The following SLC12A8 variants were observed in gnomAD, a reference collection of about 807,000 sequenced individuals.
SLC12A8 encodes the protein solute carrier family 12 member 8, also known as cation-chloride cotransporter 9.
SLC12A8 carries 69 observed loss-of-function variants against 75.6 expected under a neutral mutation model. That is an observed-to-expected ratio of 0.91 (90% confidence interval 0.75 to 1.11). SLC12A8 has a LOEUF of 1.11. Among genes scored for constraint, SLC12A8 ranks in the 50% most tolerant of loss-of-function variants. The pLI is 0.00. For missense variants in SLC12A8, 877 were observed against 896.7 expected (o/e 0.98, Z 0.28); for synonymous variants, 365 against 372.8 (o/e 0.98, Z 0.24).
At chr3:125,133,433 C>A (rs765423597) in intron 6 of SLC12A8, among the ~76,000 whole-genome samples, 1 of 151,798 alleles carries the variant, frequency 6.6e-6, no homozygotes, top group East Asian at 1.9e-4. Flanking sequence ...AGTATCATGG[C>A]GTGACCAAAG....
rs778314930 is a variant in SLC12A8, at chr3:125,187,281, C to T, written c.346G>A (p.Gly116Arg). The T allele has an allele frequency of 1.2e-6, 2 of 1,614,196 alleles. No homozygotes were observed. The highest frequency in any genetic ancestry group is 2.2e-5 in the South Asian group (2 of 91,080). The change falls in exon 4 of 14, where the codon GGG becomes AGG. Residue 116 changes from glycine to arginine, a missense_variant. By Grantham distance (125) the Gly-to-Arg change is moderately radical. Transcript: ENST00000469902. ...AGCCCGATGGTGCCTCCCGTCTGCC[C>T]ACCCAGGACCGAGGAGATCATGGAG... is the stretch of plus-strand genomic sequence containing the variant. ...VYSMISSVLG[G>R]QTGGTIGLLY...
At chr3:125,196,241 A>G (rs1442663729) in intron 2 of SLC12A8, among the ~76,000 whole-genome samples, 2 of 152,274 alleles carry the variant, frequency 1.3e-5, no homozygotes, top group African/African-American at 4.8e-5. Flanking sequence ...CTGTATTTCA[A>G]ATGAATGACG....
At chr3:125,118,744 T>C in intron 8 of SLC12A8, 25 bp downstream of exon 8, 1 of 1,584,452 alleles carries the variant, frequency 6.3e-7, no homozygotes, top group Non-Finnish European at 8.7e-7. Context: ...GACTGAGCCC[T>C]TGGAGTAGCG....
intron 2 of SLC12A8, among the ~76,000 whole-genome samples, chr3:125,200,773 C>T (rs28986276): frequency 0.099 from 15,059 of 152,174 alleles, 870 homozygotes; most frequent in South Asian, 0.22. Flanking sequence ...TTACTAATAA[C>T]TACCTAAAAT....
At chr3:125,110,396 C>G in intron 8 of SLC12A8, 61 bp from the exon 9 acceptor site, 1 of 1,553,688 alleles carries the variant, frequency 6.4e-7, no homozygotes, top group South Asian at 1.2e-5. Context: ...TTTCTACCCC[C>G]CCAGCACCCA....
At chr3:125,128,830 G>A (rs552692653) in intron 6 of SLC12A8, among the ~76,000 whole-genome samples, 40 of 152,270 alleles carry the variant, frequency 2.6e-4, no homozygotes, top group Non-Finnish European at 5.3e-4. Context: ...GGAGACCCAG[G>A]GGACGCCTAG....
intron 8 of SLC12A8, among the ~76,000 whole-genome samples, chr3:125,113,049 C>T (rs1939225299): frequency 6.6e-6 from 1 of 152,200 alleles, no homozygotes; most frequent in Non-Finnish European, 1.5e-5. Context: ...ATTTTTACAA[C>T]TCTTTTTCAT....
intron 5 of SLC12A8, among the ~76,000 whole-genome samples, chr3:125,138,688 T>A (rs1246480120): frequency 1.3e-5 from 2 of 152,156 alleles, no homozygotes; most frequent in East Asian, 3.8e-4. Context: ...TGTACTTTCT[T>A]TTTTTATTTC....
chr3:125,208,874 C>A (rs1935284324), intron 2 of SLC12A8, among the ~76,000 whole-genome samples: 1 of 150,502 alleles, frequency 6.6e-6, no homozygotes, highest in Non-Finnish European at 1.5e-5. Context: ...AGAGTCCATT[C>A]ATTCACCCTC....
At chr3:125,211,525 C>T (rs1935336989) in intron 1 of SLC12A8, 131 bp from the exon 2 acceptor site, 10 of 649,586 alleles carry the variant, frequency 1.5e-5, no homozygotes, top group Non-Finnish European at 2.5e-5. Flanking sequence ...CCTTGTCTAC[C>T]TCATCTGGAA....
At chr3:125,116,836 C>T (rs566658662) in intron 8 of SLC12A8, among the ~76,000 whole-genome samples, 3 of 152,226 alleles carry the variant, frequency 2.0e-5, no homozygotes, top group African/African-American at 7.2e-5. Context: ...TCAAACCAGC[C>T]TCACCCAGTC....
intron 5 of SLC12A8, among the ~76,000 whole-genome samples, chr3:125,150,879 C>T (rs1933904148): frequency 6.6e-6 from 1 of 152,120 alleles, no homozygotes; most frequent in African/African-American, 2.4e-5. Context: ...CAGTAGTTCC[C>T]AGAGCTGACT....
intron 2 of SLC12A8, among the ~76,000 whole-genome samples, chr3:125,205,595 G>A (rs770530186): frequency 8.5e-5 from 13 of 152,182 alleles, no homozygotes; most frequent in Admixed American, 3.3e-4. Flanking sequence ...TGCTTCCGCC[G>A]CATCTCAATC....
At chr3:125,208,339 A>G (rs1935265440) in intron 2 of SLC12A8, among the ~76,000 whole-genome samples, 1 of 152,140 alleles carries the variant, frequency 6.6e-6, no homozygotes, top group Non-Finnish European at 1.5e-5. Flanking sequence ...CTCCTGCCTT[A>G]TGTCTTCTGC....
chr3:125,135,803 G>A, intron 5 of SLC12A8, 21 bp from the exon 6 acceptor site: 4 of 1,417,592 alleles, frequency 2.8e-6, no homozygotes, highest in Non-Finnish European at 3.9e-6. Flanking sequence ...GCAATGGAGA[G>A]CAACGTAAGC....
intron 5 of SLC12A8, among the ~76,000 whole-genome samples, chr3:125,141,731 G>A (rs1156315809): frequency 6.6e-6 from 1 of 152,148 alleles, no homozygotes; most frequent in African/African-American, 2.4e-5. Context: ...GCTTCCGGCG[G>A]CGCTCTCTTC....
chr3:125,153,352 A>T (rs538928680), intron 5 of SLC12A8, among the ~76,000 whole-genome samples: 1 of 152,288 alleles, frequency 6.6e-6, no homozygotes, highest in East Asian at 1.9e-4. Context: ...CATCCAAGGT[A>T]TGGGGATTTT....
chr3:125,142,713 C>G (rs1933679073), intron 5 of SLC12A8, among the ~76,000 whole-genome samples: 1 of 152,234 alleles, frequency 6.6e-6, no homozygotes, highest in Non-Finnish European at 1.5e-5. Flanking sequence ...CTAATGAGCT[C>G]CCCGGAGATG....
chr3:125,149,222 C>T (rs893327269), intron 5 of SLC12A8, among the ~76,000 whole-genome samples: 3 of 152,216 alleles, frequency 2.0e-5, no homozygotes, highest in Admixed American at 6.5e-5. Context: ...AGCGCTCGCT[C>T]GCACTTCCTT....
Sources: gnomAD v4.1 joint callset for allele counts (sites outside exome capture counted in the v4.1 genomes callset) on GRCh38, gnomAD v4.1.1 for gene constraint, MANE v1.5 for transcripts, NCBI Gene and HGNC (gene_info 2026-07-23, HGNC 2026-07-21) for gene names.